Variants in PLCB1 observed in about 807,000 individuals in gnomAD.
PLCB1 encodes the protein phospholipase C beta 1.
PLCB1 carries 46 observed loss-of-function variants against 161.8 expected under a neutral mutation model. The observed-to-expected ratio is 0.28, with a 90% CI of 0.22 to 0.36. PLCB1 has a LOEUF of 0.36. Ranked by LOEUF, PLCB1 falls within the 10% of genes least tolerant of loss-of-function variation. PLCB1 has a pLI of 1.00. For missense variants in PLCB1, 1,016 were observed against 1,472.5 expected (o/e 0.69, Z 5.07); for synonymous variants, 517 against 503.7 (o/e 1.03, Z -0.35).
intron 2 of PLCB1, among the ~76,000 whole-genome samples, chr20:8,319,405 G>T (rs1984803108): frequency 6.6e-6 from 1 of 152,206 alleles, no homozygotes. Context: ...CATCCAGAAG[G>T]CTAGCCCAAG....
intron 2 of PLCB1, among the ~76,000 whole-genome samples, chr20:8,241,879 G>T (rs547465412): frequency 6.6e-6 from 1 of 152,072 alleles, no homozygotes; most frequent in African/African-American, 2.4e-5. Flanking sequence ...AAGGAGGAGG[G>T]TTCCACATTT....
At position 8,821,898 on chromosome 20, in the gene PLCB1, G is replaced by T. The variant is rs181790376; in HGVS notation, c.3423+31637G>T. Among the ~76,000 whole-genome samples the T allele has an allele frequency of 2.6e-5, 4 of 152,140 alleles. No individual in the cohort carries two copies. In the East Asian group the frequency reaches 7.8e-4, roughly 30 times the overall value. On this transcript the variant is annotated intron_variant, in intron 31 of 31. Coordinates refer to ENST00000338037, the MANE Select transcript of PLCB1 (RefSeq NM_015192.4). The stretch of plus-strand genomic sequence containing the variant: ...TTTGTCTGTCCCCAGATGGAACCAT[G>T]CTTCTCCTGTTTCTGCTGCTAGGCC...
chr20:8,586,300 T>C (rs1029534397), intron 3 of PLCB1, among the ~76,000 whole-genome samples: 1 of 152,192 alleles, frequency 6.6e-6, no homozygotes, highest in Non-Finnish European at 1.5e-5. Context: ...AATATTGAGA[T>C]TTTCTCTCTA....
intron 2 of PLCB1, among the ~76,000 whole-genome samples, chr20:8,223,729 G>A (rs372926414): frequency 1.6e-3 from 251 of 152,218 alleles, no homozygotes; most frequent in African/African-American, 5.8e-3. Context: ...TCAAACACAT[G>A]CGTGCAGATT....
chr20:8,547,585 T>G (rs1456629293), intron 3 of PLCB1, among the ~76,000 whole-genome samples: 1 of 152,184 alleles, frequency 6.6e-6, no homozygotes, highest in Non-Finnish European at 1.5e-5. Flanking sequence ...TACTTCTGGA[T>G]TCATTCTGTC....
intron 27 of PLCB1, among the ~76,000 whole-genome samples, chr20:8,782,515 C>T (rs6086592): frequency 0.28 from 42,530 of 151,960 alleles, 7,267 homozygotes; most frequent in East Asian, 0.5. Flanking sequence ...ACCTCAGCCT[C>T]CCAAGTAGCT....
Position 8,287,086 on chromosome 20 carries a change from A to T in PLCB1, c.178-84296A>T, listed in dbSNP as rs1051546616. On this transcript the variant is annotated intron_variant, in intron 2 of 31. Transcript: ENST00000338037. ...TTTTGTGATAAGAGAGATTTAAAGG[A>T]ATGTACTTTCCTCAGAAAACAAGAC... Among the ~76,000 whole-genome samples, 7 of 152,112 alleles carry T rather than the reference A, an allele frequency of 4.6e-5. No individual in the cohort carries two copies. The East Asian group carries it at 1.3e-3, about 29-fold the overall frequency.
chr20:8,588,411 A>G lies in PLCB1; in HGVS notation c.247-39883A>G, dbSNP rs559222561. On this transcript the variant is annotated intron_variant, in intron 3 of 31. Transcript: ENST00000338037. ...TTTTATTACTTATATAGCCAATGTT[A>G]GGAACTAAATTGTGCTCACCCCATA... Among the ~76,000 whole-genome samples the G allele has an allele frequency of 1.3e-4, 20 of 152,286 alleles. No individual in the cohort carries two copies. The South Asian group carries it at 3.7e-3, about 28-fold the overall frequency.
intron 3 of PLCB1, among the ~76,000 whole-genome samples, chr20:8,510,858 TTTTA>T (rs1286199635): frequency 1.3e-5 from 2 of 152,156 alleles, no homozygotes; most frequent in Non-Finnish European, 2.9e-5. Context: ...TTTTTGCAAT[TTTTA>T]TTTATAATTG....
intron 26 of PLCB1, among the ~76,000 whole-genome samples, chr20:8,769,528 A>G (rs571520902): frequency 3.3e-5 from 5 of 152,204 alleles, no homozygotes; most frequent in South Asian, 2.1e-4. Context: ...TGGCTAACCA[A>G]TGGACAACGT....
At chr20:8,836,665 C>T (rs1261178839) in intron 31 of PLCB1, among the ~76,000 whole-genome samples, 2 of 152,072 alleles carry the variant, frequency 1.3e-5, no homozygotes, top group Non-Finnish European at 2.9e-5. Flanking sequence ...ATAAATATTA[C>T]CATTGGATAC....
At chr20:8,511,167 A>G (rs973026777) in intron 3 of PLCB1, among the ~76,000 whole-genome samples, 7 of 151,888 alleles carry the variant, frequency 4.6e-5, no homozygotes, top group African/African-American at 1.7e-4. Context: ...TCTACTCTCT[A>G]CTTCTGTAAG....
At chr20:8,804,864 G>A (rs1489779488) in intron 31 of PLCB1, among the ~76,000 whole-genome samples, 1 of 151,960 alleles carries the variant, frequency 6.6e-6, no homozygotes, top group Non-Finnish European at 1.5e-5. Flanking sequence ...GGTGGCAGGT[G>A]TCTGTAATCC....
rs537340190 is a variant in PLCB1, at chr20:8,553,214, C to A, written c.247-75080C>A. Among the ~76,000 whole-genome samples, 3 of 152,300 alleles carry A rather than the reference C, an allele frequency of 2.0e-5. No individual in the cohort carries two copies. In the South Asian group the frequency reaches 6.2e-4, roughly 32 times the overall value. Reference sequence around the variant, plus strand: ...CAATAATCATAAAATTCAAAAGGCACACTCTTGCAAGTGTGAAAAGGCAAT... The same window carrying A: ...CAATAATCATAAAATTCAAAAGGCAAACTCTTGCAAGTGTGAAAAGGCAAT... On this transcript the variant is annotated intron_variant, in intron 3 of 31. Coordinates refer to ENST00000338037, the MANE Select transcript of PLCB1 (RefSeq NM_015192.4).
intron 3 of PLCB1, among the ~76,000 whole-genome samples, chr20:8,531,482 T>C (rs527753702): frequency 1.2e-4 from 19 of 152,210 alleles, no homozygotes; most frequent in Middle Eastern, 3.4e-3. Context: ...TGTGTGTGTA[T>C]TTATATATGT....
chr20:8,547,839 G>A lies in PLCB1; in HGVS notation c.247-80455G>A, dbSNP rs868606234. ...TTAGTATAAATATCAAAATCCTTAT[G>A]CAGGACCTTGAAGGCTCTACATGCT... On this transcript the variant is annotated intron_variant, in intron 3 of 31. Transcript: ENST00000338037. Among the ~76,000 whole-genome samples, 119 of 152,252 alleles carry A rather than the reference G, an allele frequency of 7.8e-4. 2 individuals carry two copies. The highest frequency in any genetic ancestry group is 2.7e-3 in the African/African-American group (114 of 41,552).
In PLCB1 at chr20:8,708,656, G is replaced by C; in HGVS notation, c.1168-14G>C. 6.4e-7 allele frequency: 1 copy of C among 1,564,732 alleles called. No homozygotes were observed. Among genetic ancestry groups the C allele is most frequent in the Non-Finnish European group, 8.8e-7 (1 of 1,135,408 alleles). ...ATTCTGGCATACTGAATATACATGT[G>C]TTCTCATTTTTAGGAAGTGATAGAA... On this transcript the variant is annotated splice_polypyrimidine_tract_variant and intron_variant, in intron 11 of 31. Coordinates refer to ENST00000338037, the MANE Select transcript of PLCB1 (RefSeq NM_015192.4).
intron 31 of PLCB1, among the ~76,000 whole-genome samples, chr20:8,826,724 C>T (rs1045653682): frequency 7.9e-5 from 12 of 152,198 alleles, no homozygotes; most frequent in Non-Finnish European, 1.3e-4. Context: ...CCTAAATCAT[C>T]TTTGCCAATG....
intron 2 of PLCB1, among the ~76,000 whole-genome samples, chr20:8,336,867 T>C (rs932680551): frequency 9.2e-5 from 14 of 152,152 alleles, no homozygotes; most frequent in African/African-American, 3.4e-4. Context: ...TTTTCTCCAG[T>C]ATAGCCTACA....
Sources: gnomAD v4.1 joint callset for allele counts (sites outside exome capture counted in the v4.1 genomes callset) on GRCh38, gnomAD v4.1.1 for gene constraint, MANE v1.5 for transcripts, NCBI Gene and HGNC (gene_info 2026-07-23, HGNC 2026-07-21) for gene names.